NXPE2: variants seen among roughly 807,000 people sequenced by gnomAD.
NXPE2 encodes NXPE family member 2.
NXPE2 carries 34 observed loss-of-function variants against 34.4 expected under a neutral mutation model. That is an observed-to-expected ratio of 0.99 (90% CI 0.75 to 1.31). The LOEUF (loss-of-function observed/expected upper bound fraction) is 1.31. Among genes scored for constraint, NXPE2 ranks in the 40% most tolerant of loss-of-function variants. The pLI is 0.00. For missense variants in NXPE2, 649 were observed against 672.5 expected (o/e 0.97, Z 0.39); for synonymous variants, 235 against 231.3 (o/e 1.02, Z -0.15).
At chr11:114,634,467 G>A in the NXPE2 span, among the ~76,000 whole-genome samples, 7 of 151,912 alleles carry the variant, frequency 4.6e-5, no homozygotes, top group East Asian at 1.9e-4. Context: ...CTTTAGTTTA[G>A]TTAGATCCCA....
At chr11:114,523,089 T>C in the NXPE2 span, 1 of 1,609,762 alleles carries the variant, frequency 6.2e-7, no homozygotes, top group African/African-American at 1.3e-5. Flanking sequence ...ATTTTTTCTC[T>C]CTCTGGTAAC....
chr11:114,519,737 G>A, the NXPE2 span, among the ~76,000 whole-genome samples: 2 of 152,056 alleles, frequency 1.3e-5, no homozygotes, highest in Non-Finnish European at 2.9e-5. Context: ...TTTGTCTTGT[G>A]TGTGGGACAT....
chr11:114,726,791 T>C, the NXPE2 span, among the ~76,000 whole-genome samples: 1 of 152,114 alleles, frequency 6.6e-6, no homozygotes, highest in East Asian at 1.9e-4. Flanking sequence ...CATAAAACAC[T>C]AGAACTCAAA....
At chr11:114,745,911 C>T in the NXPE2 span, among the ~76,000 whole-genome samples, 1 of 151,814 alleles carries the variant, frequency 6.6e-6, no homozygotes, top group Admixed American at 6.6e-5. Flanking sequence ...ATTATGCCTG[C>T]ATTTTAATAA....
the NXPE2 span, among the ~76,000 whole-genome samples, chr11:114,492,561 C>T: frequency 0.017 from 2,539 of 149,114 alleles, 84 homozygotes; most frequent in African/African-American, 0.058. Context: ...TTTTTTGACA[C>T]GGAGTCTTGC....
chr11:114,528,698 C>G, the NXPE2 span: 1 of 470,738 alleles, frequency 2.1e-6, no homozygotes, highest in Non-Finnish European at 3.9e-6. Context: ...CACTTTGTTT[C>G]AAACCTCTGT....
chr11:114,572,500 AATAG>A, the NXPE2 span, among the ~76,000 whole-genome samples: 3 of 152,204 alleles, frequency 2.0e-5, no homozygotes, highest in Admixed American at 6.5e-5. Context: ...TCTTCAGTGA[AATAG>A]ATAGTATAAA....
At chr11:114,588,299 T>A in the NXPE2 span, among the ~76,000 whole-genome samples, 3 of 152,184 alleles carry the variant, frequency 2.0e-5, no homozygotes, top group Non-Finnish European at 4.4e-5. Flanking sequence ...GGAGGTGATG[T>A]CACTAGGGTT....
the NXPE2 span, among the ~76,000 whole-genome samples, chr11:114,729,390 T>A: frequency 5.9e-5 from 9 of 152,294 alleles, no homozygotes; most frequent in Non-Finnish European, 1.0e-4. Context: ...TGTGTCTCTT[T>A]GGTAGAATAA....
At chr11:114,755,435 A>T in the NXPE2 span, among the ~76,000 whole-genome samples, 1 of 152,098 alleles carries the variant, frequency 6.6e-6, no homozygotes, top group Non-Finnish European at 1.5e-5. Context: ...TATTTTTAGC[A>T]TAAAGTCTGC....
the NXPE2 span, chr11:114,523,107 C>T: frequency 1.3e-6 from 2 of 1,583,846 alleles, no homozygotes; most frequent in East Asian, 4.5e-5. Flanking sequence ...AACAAAGACA[C>T]TCGTAAATGA....
At chr11:114,725,827 C>G in the NXPE2 span, among the ~76,000 whole-genome samples, 1 of 151,674 alleles carries the variant, frequency 6.6e-6, no homozygotes, top group East Asian at 1.9e-4. Flanking sequence ...TTCACATCCT[C>G]ATTGTGTCTC....
the NXPE2 span, among the ~76,000 whole-genome samples, chr11:114,784,503 A>G: frequency 6.3e-4 from 96 of 152,308 alleles, no homozygotes; most frequent in African/African-American, 2.1e-3. Context: ...CAATCTTTAT[A>G]TGGATCAGCT....
chr11:114,651,542 G>A, the NXPE2 span, among the ~76,000 whole-genome samples: 18 of 152,340 alleles, frequency 1.2e-4, no homozygotes, highest in African/African-American at 4.1e-4. Context: ...CGAAAAGATT[G>A]CCACTGCTGG....
At chr11:114,573,915 T>C in the NXPE2 span, among the ~76,000 whole-genome samples, 11 of 152,126 alleles carry the variant, frequency 7.2e-5, no homozygotes. Context: ...ATACATTCTA[T>C]TTATCAGCAC....
At chr11:114,795,685 C>CAGTT in the NXPE2 span, among the ~76,000 whole-genome samples, 4 of 152,198 alleles carry the variant, frequency 2.6e-5, no homozygotes, top group African/African-American at 9.6e-5. Flanking sequence ...CACTCTTTTC[C>CAGTT]AGTTAGGATG....
the NXPE2 span, among the ~76,000 whole-genome samples, chr11:114,731,375 A>G: frequency 6.6e-6 from 1 of 152,314 alleles, no homozygotes; most frequent in Non-Finnish European, 1.5e-5. Context: ...TGCTTGGGCA[A>G]TTATCTCAGA....
At chr11:114,480,393 T>C in the NXPE2 span, among the ~76,000 whole-genome samples, 5 of 152,244 alleles carry the variant, frequency 3.3e-5, no homozygotes, top group East Asian at 1.9e-4. Flanking sequence ...GATAAATGAA[T>C]GTTGGGGAGA....
At chr11:114,749,718 C>T in the NXPE2 span, among the ~76,000 whole-genome samples, 23 of 152,326 alleles carry the variant, frequency 1.5e-4, no homozygotes, top group Admixed American at 1.4e-3. Context: ...GCTACCATCC[C>T]TTCTTCATGT....
Sources: allele counts gnomAD v4.1 joint callset (sites outside exome capture counted in the v4.1 genomes callset), GRCh38; gene constraint gnomAD v4.1.1; transcripts MANE v1.5; gene names NCBI Gene and HGNC (gene_info 2026-07-23, HGNC 2026-07-21).